FCHO2: variants seen among roughly 807,000 people sequenced by gnomAD.
FCHO2 encodes the protein F-BAR domain only protein 2.
FCHO2 carries 43 observed loss-of-function variants against 114.1 expected under a neutral mutation model. That is an observed-to-expected ratio of 0.38 (90% CI 0.30 to 0.49). The LOEUF (loss-of-function observed/expected upper bound fraction) is 0.49. Ranked by LOEUF, FCHO2 falls within the 20% of genes least tolerant of loss-of-function variation. FCHO2 has a pLI of 0.97. For missense variants in FCHO2, 807 were observed against 950.4 expected (o/e 0.85, Z 1.98); for synonymous variants, 293 against 315.2 (o/e 0.93, Z 0.75).
chr5:73,088,157 C>A lies in FCHO2; in HGVS notation c.*67C>A. 1 of 1,589,146 alleles carries A rather than the reference C, an allele frequency of 6.3e-7. No individual in the cohort carries two copies. Among genetic ancestry groups the A allele is most frequent in the Non-Finnish European group, 8.6e-7 (1 of 1,163,514 alleles). On this transcript the variant is annotated 3_prime_UTR_variant, in exon 26 of 26. Transcript: ENST00000430046. ...GCCATTCTGCATTATCTGTTCTTTC[C>A]AAACACTATTTTAACTTGTATGATG...
chr5:72,997,154 AGGCTC>A (rs1379054124), intron 5 of FCHO2: 2 of 1,105,792 alleles, frequency 1.8e-6, no homozygotes, highest in Non-Finnish European at 2.8e-6. Context: ...TGGGGTCCTG[AGGCTC>A]ACAGTCTGGC....
chr5:72,996,100 G>A (rs971842499), intron 5 of FCHO2, among the ~76,000 whole-genome samples: 7 of 151,992 alleles, frequency 4.6e-5, no homozygotes, highest in Admixed American at 1.3e-4. Flanking sequence ...AAAATTAGCC[G>A]GGCGTGGTAG....
chr5:73,020,895 G>A, intron 8 of FCHO2: 1 of 1,200,016 alleles, frequency 8.3e-7, no homozygotes, highest in Non-Finnish European at 1.2e-6. Flanking sequence ...CACCACGGGA[G>A]AGCTTATCAT....
intron 11 of FCHO2, among the ~76,000 whole-genome samples, chr5:73,043,227 T>C (rs1756891867): frequency 6.6e-6 from 1 of 152,176 alleles, no homozygotes; most frequent in South Asian, 2.1e-4. Flanking sequence ...CCACTGTTCC[T>C]GGCCAACAAA....
chr5:72,980,974 G>T (rs1753175220), intron 2 of FCHO2, among the ~76,000 whole-genome samples: 1 of 151,984 alleles, frequency 6.6e-6, no homozygotes, highest in African/African-American at 2.4e-5. Flanking sequence ...GTGTGAATTT[G>T]CTCCTGTCAT....
intron 11 of FCHO2, among the ~76,000 whole-genome samples, chr5:73,044,594 G>T (rs1013420954): frequency 6.6e-6 from 1 of 152,032 alleles, no homozygotes; most frequent in Non-Finnish European, 1.5e-5. Flanking sequence ...TTCTTTAAAG[G>T]TCTATGTAAT....
chr5:73,023,263 T>A (rs1277327820), intron 8 of FCHO2, among the ~76,000 whole-genome samples: 2 of 152,268 alleles, frequency 1.3e-5, no homozygotes, highest in Non-Finnish European at 2.9e-5. Context: ...GATTTAATCA[T>A]GTTATTAATG....
chr5:73,046,971 A>G (rs1258074737), intron 11 of FCHO2, among the ~76,000 whole-genome samples: 6 of 152,210 alleles, frequency 3.9e-5, no homozygotes, highest in Admixed American at 6.5e-5. Flanking sequence ...AGCTTTAGAA[A>G]GTGATTAGAA....
intron 19 of FCHO2, among the ~76,000 whole-genome samples, chr5:73,073,422 C>G (rs1417825241): frequency 6.6e-6 from 1 of 152,092 alleles, no homozygotes; most frequent in Non-Finnish European, 1.5e-5. Context: ...CAGCCTCTCC[C>G]TCACATTTTT....
intron 8 of FCHO2, chr5:73,020,945 T>G: frequency 6.3e-7 from 1 of 1,591,942 alleles, no homozygotes. Flanking sequence ...AACTGCAGTT[T>G]GTTGCTTCGG....
intron 17 of FCHO2, among the ~76,000 whole-genome samples, chr5:73,062,027 G>A (rs191945362): frequency 2.3e-4 from 35 of 152,114 alleles, no homozygotes; most frequent in Admixed American, 1.8e-3. Context: ...TAATGTCTGA[G>A]GGCAGATATA....
At chr5:73,054,018 C>G in intron 13 of FCHO2, 142 bp from the exon 14 acceptor site, 1 of 468,166 alleles carries the variant, frequency 2.1e-6, no homozygotes, top group Non-Finnish European at 3.6e-6. Flanking sequence ...ATTTGCTTAA[C>G]TTTTTCCCAC....
In FCHO2 at chr5:73,083,582, G is replaced by A. The variant is rs150232224; in HGVS notation, c.2245+757G>A. ...CTGACCTCCCAGAAATCATGTAGAC[G>A]CTTCCAGGCTTTAAAAAGCCCCTTG... is the stretch of plus-strand genomic sequence containing the variant. On this transcript the variant is annotated intron_variant, in intron 24 of 25. Transcript: ENST00000430046. 4.2e-3 allele frequency among the ~76,000 whole-genome samples: 646 copies of A among 152,254 alleles called. 3 individuals carry two copies. The highest frequency in any genetic ancestry group is 0.015 in the African/African-American group (629 of 41,544).
chr5:72,999,378 C>CTT (rs762347449), intron 5 of FCHO2, among the ~76,000 whole-genome samples: 63 of 100,518 alleles, frequency 6.3e-4, no homozygotes, highest in African/African-American at 1.8e-3. Flanking sequence ...ATTCACAGGC[C>CTT]TTTTTTTTTT....
chr5:73,078,184 C>T lies in FCHO2; in HGVS notation c.1852C>T (p.Pro618Ser). Residue 618 changes from proline to serine, a missense_variant, in exon 22 of 26, where the codon CCA (proline) becomes TCA (serine). By Grantham distance (74) the Pro-to-Ser change is moderately conservative. Transcript: ENST00000430046. ...LPNAQLVFSD[P>S]SQCDSNTKDF... is the part of the protein sequence containing the mutation. Reference sequence around the variant, plus strand: ...ATATATTTTTTATATATGTAGTGATCCATCACAATGTGATTCCAACACAAA... The same window carrying T: ...ATATATTTTTTATATATGTAGTGATTCATCACAATGTGATTCCAACACAAA... 1 of 1,542,542 alleles carries T rather than the reference C, an allele frequency of 6.5e-7. No individual in the cohort carries two copies.
intron 3 of FCHO2, among the ~76,000 whole-genome samples, 190 bp from the exon 4 acceptor site, chr5:72,990,288 A>G (rs1224128562): frequency 6.6e-6 from 1 of 152,100 alleles, no homozygotes; most frequent in Non-Finnish European, 1.5e-5. Context: ...GTCCAAAAAT[A>G]TTTTAAATAA....
In FCHO2 at chr5:73,025,711, C is replaced by G. The variant is rs188003227; in HGVS notation, c.796+8403C>G. ...TATGTTTTTGATCAGTTTATGGGCA[C>G]CTGAGCAAATGAGTCTAGTGACTCA... On this transcript the variant is annotated intron_variant, in intron 8 of 25. Transcript: ENST00000430046. 4.6e-5 allele frequency among the ~76,000 whole-genome samples: 7 copies of G among 152,154 alleles called. No homozygotes were observed. In the East Asian group the frequency reaches 1.4e-3, roughly 29 times the overall value.
chr5:73,042,424 C>CT (rs1158329624), intron 11 of FCHO2, among the ~76,000 whole-genome samples: 1 of 152,116 alleles, frequency 6.6e-6, no homozygotes. Context: ...TTAAATACAA[C>CT]TTTAATACTT....
chr5:73,079,161 A>G (rs1251984023), intron 22 of FCHO2, among the ~76,000 whole-genome samples: 1 of 152,178 alleles, frequency 6.6e-6, no homozygotes, highest in Non-Finnish European at 1.5e-5. Flanking sequence ...GTAGAGTAGC[A>G]TGATCACATT....
Sources: gnomAD v4.1 joint callset for allele counts (sites outside exome capture counted in the v4.1 genomes callset) on GRCh38, gnomAD v4.1.1 for gene constraint, MANE v1.5 for transcripts, NCBI Gene and HGNC (gene_info 2026-07-23, HGNC 2026-07-21) for gene names.